JPH2: variants seen among roughly 807,000 people sequenced by gnomAD.
The protein encoded by JPH2 is junctophilin 2.
In JPH2, 38 loss-of-function variants were observed where a neutral mutation model predicts 55.9. The observed-to-expected ratio is 0.68, with a 90% CI of 0.52 to 0.89. The LOEUF (loss-of-function observed/expected upper bound fraction) is 0.89, where lower values mean the gene tolerates loss of function less well. Ranked by LOEUF, JPH2 falls within the 40% of genes least tolerant of loss-of-function variation. The pLI is 0.00. For synonymous variants in JPH2, 480 were observed against 472.4 expected, an observed-to-expected ratio of 1.02 and a Z score of -0.21; for missense variants, 964 against 1,037.6, an observed-to-expected ratio of 0.93 and a Z score of 0.97.
In JPH2 at chr20:44,186,649, C is replaced by T; in HGVS notation, c.57G>A (p.Glu19=). ...GTCCATGCCCATGGGCCTTTCCCCC[C>T]TCCCAGCCCCCGCAGTACGCCCCTC... The part of the protein sequence containing the change: ...DDGGAYCGGW[E]GGKAHGHGLC... Residue 19 remains glutamate, a synonymous_variant, in exon 1 of 6, where the codon GAG becomes GAA. Transcript: ENST00000372980. 3 of 1,608,234 alleles carry T rather than the reference C, an allele frequency of 1.9e-6. No homozygotes were observed. The highest frequency in any genetic ancestry group is 8.5e-7 in the Non-Finnish European group (1 of 1,179,608).
rs1201320980 is a variant in JPH2, at chr20:44,107,140, T to C, written c.*6378A>G. ...CCAATCAGTGATGGCATCTTCCACA[T>C]ACAGCAAAGAAGTGATATAGCCAGG... On this transcript the variant is annotated 3_prime_UTR_variant, in exon 6 of 6. Coordinates refer to ENST00000372980, the MANE Select transcript of JPH2 (RefSeq NM_020433.5). Among the ~76,000 whole-genome samples the C allele has an allele frequency of 1.3e-5, 2 of 152,304 alleles. No homozygotes were observed. Among genetic ancestry groups the C allele is most frequent in the East Asian group, 3.9e-4 (2 of 5,170 alleles).
chr20:44,129,484 G>A (rs1189561466), intron 2 of JPH2, among the ~76,000 whole-genome samples: 2 of 150,150 alleles, frequency 1.3e-5, no homozygotes, highest in African/African-American at 4.9e-5. Context: ...GAATCCAGGA[G>A]GCAAAGGTTG....
chr20:44,114,904 A>G (rs1467747129), intron 4 of JPH2, 28 bp from the exon 5 acceptor site: 1 of 1,563,830 alleles, frequency 6.4e-7, no homozygotes, highest in Non-Finnish European at 8.7e-7. Flanking sequence ...AGGCTTCCTG[A>G]GTCCCCATGG....
At chr20:44,174,068 A>G (rs1305833198) in intron 1 of JPH2, among the ~76,000 whole-genome samples, 1 of 152,244 alleles carries the variant, frequency 6.6e-6, no homozygotes, top group African/African-American at 2.4e-5. Flanking sequence ...TATAGCCTAC[A>G]GTCCCCACTC....
At chr20:44,142,480 C>T (rs563619173) in intron 2 of JPH2, among the ~76,000 whole-genome samples, 5 of 152,258 alleles carry the variant, frequency 3.3e-5, no homozygotes, top group South Asian at 4.2e-4. Context: ...CCCCAGAGCA[C>T]GCCAAGCACA....
At chr20:44,164,699 CAAA>C (rs1375282839) in intron 1 of JPH2, among the ~76,000 whole-genome samples, 115 of 150,848 alleles carry the variant, frequency 7.6e-4, no homozygotes, top group African/African-American at 2.6e-3. Context: ...AACAAACAAA[CAAA>C]CAAACAAACA....
At chr20:44,174,402 A>G (rs1195454945) in intron 1 of JPH2, among the ~76,000 whole-genome samples, 1 of 151,910 alleles carries the variant, frequency 6.6e-6, no homozygotes, top group Non-Finnish European at 1.5e-5. Context: ...CCCACCCCCA[A>G]CCCTTTTTGC....
chr20:44,173,170 T>C (rs2072710388), intron 1 of JPH2, among the ~76,000 whole-genome samples: 1 of 152,180 alleles, frequency 6.6e-6, no homozygotes, highest in African/African-American at 2.4e-5. Flanking sequence ...ACTGCCTTTA[T>C]AAAATTATGA....
intron 3 of JPH2, among the ~76,000 whole-genome samples, chr20:44,117,436 T>G (rs149534356): frequency 0.025 from 3,771 of 152,356 alleles, 47 homozygotes; most frequent in Non-Finnish European, 0.035. Flanking sequence ...TACTTTGTGA[T>G]GTGGCTTCCT....
At chr20:44,165,294 AAAAAAAAAC>A (rs2145884056) in intron 1 of JPH2, among the ~76,000 whole-genome samples, 1 of 149,520 alleles carries the variant, frequency 6.7e-6, no homozygotes, top group South Asian at 2.1e-4. Context: ...TTTTCAGGAA[AAAAAAAAAC>A]AAAAAAAACA....
rs909128778 is a variant in JPH2 at position 44,109,113 on chromosome 20, C to A, written c.*4405G>T. On this transcript the variant is annotated 3_prime_UTR_variant, in exon 6 of 6. Transcript: ENST00000372980. The stretch of plus-strand genomic sequence containing the variant: ...CTCATCTGCAGTGATGGGAAGCTCA[C>A]TCTTTCATGGTGGGAGCAGTGTGGT... Among the ~76,000 whole-genome samples the A allele has an allele frequency of 4.6e-5, 7 of 152,216 alleles. No individual in the cohort carries two copies. The highest frequency in any genetic ancestry group is 1.7e-4 in the African/African-American group (7 of 41,462).
At chr20:44,139,959 C>T (rs1344799867) in intron 2 of JPH2, among the ~76,000 whole-genome samples, 6 of 152,132 alleles carry the variant, frequency 3.9e-5, no homozygotes, top group Admixed American at 3.3e-4. Flanking sequence ...GCAACCTCTG[C>T]CTCCTGGGTT....
intron 2 of JPH2, among the ~76,000 whole-genome samples, chr20:44,156,086 A>G (rs960417427): frequency 2.7e-4 from 41 of 152,226 alleles, no homozygotes; most frequent in African/African-American, 9.6e-4. Context: ...AGAATCAGAA[A>G]CTATCACAGA....
chr20:44,122,324 C>T (rs2072243262), intron 2 of JPH2, among the ~76,000 whole-genome samples: 1 of 152,166 alleles, frequency 6.6e-6, no homozygotes, highest in South Asian at 2.1e-4. Flanking sequence ...GGCCTGGATT[C>T]CAATTTGGGC....
At chr20:44,147,528 A>G (rs1442504862) in intron 2 of JPH2, among the ~76,000 whole-genome samples, 1 of 152,254 alleles carries the variant, frequency 6.6e-6, no homozygotes, top group Non-Finnish European at 1.5e-5. Flanking sequence ...TATGAAAAAC[A>G]AAAACGAACA....
chr20:44,169,664 T>C (rs1217935449), intron 1 of JPH2, among the ~76,000 whole-genome samples: 1 of 152,194 alleles, frequency 6.6e-6, no homozygotes, highest in East Asian at 1.9e-4. Context: ...TCCAGGGAAC[T>C]ATCTGAGGTT....
chr20:44,155,631 T>C (rs1008644602), intron 2 of JPH2, among the ~76,000 whole-genome samples: 1 of 152,188 alleles, frequency 6.6e-6, no homozygotes, highest in African/African-American at 2.4e-5. Flanking sequence ...CAGAGAAACC[T>C]GGCTGACCCA....
chr20:44,177,564 A>T, intron 1 of JPH2: 1 of 1,150,374 alleles, frequency 8.7e-7, no homozygotes, highest in Non-Finnish European at 1.1e-6. Context: ...GAATGCCCAG[A>T]AGCTGCCAAG....
chr20:44,166,265 G>A (rs1035271246), intron 1 of JPH2, among the ~76,000 whole-genome samples: 3 of 152,154 alleles, frequency 2.0e-5, no homozygotes, highest in Non-Finnish European at 4.4e-5. Flanking sequence ...AAGGACAAAG[G>A]ACTCATCCAA....
Sources: gnomAD v4.1 joint callset for allele counts (sites outside exome capture counted in the v4.1 genomes callset) on GRCh38, gnomAD v4.1.1 for gene constraint, MANE v1.5 for transcripts, NCBI Gene and HGNC (gene_info 2026-07-23, HGNC 2026-07-21) for gene names.